The following MAST4 variants were observed in gnomAD, a reference collection of about 807,000 sequenced individuals.
MAST4 encodes the protein microtubule associated serine/threonine kinase family member 4.
MAST4 carries 89 observed loss-of-function variants against 162.7 expected under a neutral mutation model. That is an observed-to-expected ratio of 0.55 (90% confidence interval 0.46 to 0.65). The LOEUF (loss-of-function observed/expected upper bound fraction) is 0.65, where lower values mean the gene tolerates loss of function less well. Ranked by LOEUF, MAST4 falls within the 30% of genes least tolerant of loss-of-function variation. The pLI, the probability that MAST4 is intolerant of heterozygous loss-of-function variation, is 0.00. For synonymous variants in MAST4, 1,479 were observed against 1,361.1 expected, an observed-to-expected ratio of 1.09 and a Z score of -1.91; for missense variants, 3,153 against 3,374.0, an observed-to-expected ratio of 0.93 and a Z score of 1.62.
chr5:66,728,154 T>G (rs1245974590), intron 1 of MAST4, among the ~76,000 whole-genome samples: 2 of 152,224 alleles, frequency 1.3e-5, no homozygotes, highest in Admixed American at 1.3e-4. Flanking sequence ...ATTTTCTTCC[T>G]GTAACTAAAA....
intron 4 of MAST4, among the ~76,000 whole-genome samples, chr5:67,050,403 C>T (rs962308842): frequency 1.3e-5 from 2 of 152,172 alleles, no homozygotes; most frequent in African/African-American, 4.8e-5. Context: ...CATTCTTACA[C>T]GCAGTGTTCT....
At chr5:66,624,208 A>G (rs1012133690) in intron 1 of MAST4, among the ~76,000 whole-genome samples, 3 of 127,970 alleles carry the variant, frequency 2.3e-5, no homozygotes, top group Non-Finnish European at 3.1e-5. Context: ...CTGGAGTGCA[A>G]GTGGCATGAT....
intron 1 of MAST4, among the ~76,000 whole-genome samples, chr5:66,631,776 A>C (rs1293665329): frequency 6.6e-6 from 1 of 152,122 alleles, no homozygotes; most frequent in African/African-American, 2.4e-5. Context: ...TTGTGATGAG[A>C]TTTTATTGTA....
intron 3 of MAST4, among the ~76,000 whole-genome samples, chr5:66,862,314 C>T (rs1267703282): frequency 6.6e-6 from 1 of 152,136 alleles, no homozygotes; most frequent in Non-Finnish European, 1.5e-5. Flanking sequence ...TGTAATTTCA[C>T]TCATTAAAAA....
intron 3 of MAST4, among the ~76,000 whole-genome samples, chr5:66,798,367 T>G (rs1755755794): frequency 6.6e-6 from 1 of 152,180 alleles, no homozygotes; most frequent in Non-Finnish European, 1.5e-5. Context: ...ACAAATAATA[T>G]GTAGAGGCAT....
At position 66,919,633 on chromosome 5, in the gene MAST4, T is replaced by A. The variant is rs1008337572; in HGVS notation, c.674+19651T>A. On this transcript the variant is annotated intron_variant, in intron 4 of 28. Coordinates refer to ENST00000403625, the MANE Select transcript of MAST4 (RefSeq NM_001164664.2). ...CTGAGATCGTCACTGCACTCCAGCC[T>A]GGGCAACAGAGCAAGACTCCGTCAC... 3.1e-5 allele frequency among the ~76,000 whole-genome samples: 4 copies of A among 131,008 alleles called. No individual in the cohort carries two copies. The East Asian group carries it at 8.7e-4, about 29-fold the overall frequency. 85.9% of individuals were successfully genotyped at this position (131,008 alleles called of 152,430 possible).
At chr5:66,956,762 A>C (rs777201262) in intron 4 of MAST4, among the ~76,000 whole-genome samples, 11 of 152,192 alleles carry the variant, frequency 7.2e-5, no homozygotes, top group Non-Finnish European at 1.5e-4. Flanking sequence ...GCTTTTACTC[A>C]CAGGGAAGCT....
intron 3 of MAST4, among the ~76,000 whole-genome samples, chr5:66,809,628 AAGG>A (rs377630636): frequency 2.5e-4 from 38 of 152,354 alleles, no homozygotes; most frequent in African/African-American, 8.9e-4. Context: ...AGAATACAGA[AAGG>A]TATAAAATAA....
At chr5:67,079,601 C>T (rs901141084) in intron 5 of MAST4, among the ~76,000 whole-genome samples, 9 of 152,030 alleles carry the variant, frequency 5.9e-5, no homozygotes, top group Non-Finnish European at 7.4e-5. Context: ...TTGGCTTTAT[C>T]GTATGTCTAC....
At chr5:66,735,844 T>A (rs1460098859) in intron 1 of MAST4, among the ~76,000 whole-genome samples, 4 of 152,232 alleles carry the variant, frequency 2.6e-5, no homozygotes, top group Admixed American at 1.3e-4. Flanking sequence ...AGAAATGCTT[T>A]TGAAATGGAA....
At chr5:66,982,980 A>T (rs1470326253) in intron 4 of MAST4, among the ~76,000 whole-genome samples, 1 of 152,210 alleles carries the variant, frequency 6.6e-6, no homozygotes, top group African/African-American at 2.4e-5. Context: ...TGCCCCATTC[A>T]TCAGGAGAGT....
At chr5:66,982,172 T>C (rs974863525) in intron 4 of MAST4, among the ~76,000 whole-genome samples, 3 of 152,234 alleles carry the variant, frequency 2.0e-5, no homozygotes, top group African/African-American at 7.2e-5. Flanking sequence ...TATAATGGCC[T>C]TGCACATCTC....
chr5:67,016,546 G>A (rs1433656762), intron 4 of MAST4, among the ~76,000 whole-genome samples: 2 of 152,106 alleles, frequency 1.3e-5, no homozygotes, highest in Non-Finnish European at 2.9e-5. Context: ...ATAGAAGTAG[G>A]TTTTACTTTG....
At chr5:67,078,926 A>ATAATATATATATATG (rs1561622358) in intron 5 of MAST4, among the ~76,000 whole-genome samples, 1 of 87,752 alleles carries the variant, frequency 1.1e-5, no homozygotes, top group African/African-American at 5.5e-5. Flanking sequence ...ATATATATAT[A>ATAATATATATATATG]TATATATATA....
At chr5:66,909,794 A>G (rs1027527489) in intron 4 of MAST4, among the ~76,000 whole-genome samples, 4 of 152,190 alleles carry the variant, frequency 2.6e-5, no homozygotes, top group Admixed American at 2.0e-4. Context: ...CCAGGTGGAG[A>G]TAATTGAATG....
intron 4 of MAST4, among the ~76,000 whole-genome samples, chr5:67,009,235 C>T (rs1752394845): frequency 6.6e-6 from 1 of 152,150 alleles, no homozygotes; most frequent in African/African-American, 2.4e-5. Context: ...AATTTGGTCT[C>T]AGGGAACCAG....
chr5:66,818,951 G>T (rs1317053441), intron 3 of MAST4, among the ~76,000 whole-genome samples: 1 of 152,190 alleles, frequency 6.6e-6, no homozygotes, highest in Non-Finnish European at 1.5e-5. Flanking sequence ...AACTGATGAG[G>T]ATTAATGAGA....
intron 1 of MAST4, among the ~76,000 whole-genome samples, chr5:66,679,419 G>T (rs969916444): frequency 6.6e-6 from 1 of 152,216 alleles, no homozygotes; most frequent in South Asian, 2.1e-4. Flanking sequence ...GAGCACTGTT[G>T]TGGGAGCTGC....
chr5:66,964,727 C>T (rs935847233), intron 4 of MAST4, among the ~76,000 whole-genome samples: 1 of 152,186 alleles, frequency 6.6e-6, no homozygotes, highest in African/African-American at 2.4e-5. Context: ...GGCGTGAACT[C>T]GGGAGGCGGA....
Sources: allele counts gnomAD v4.1 joint callset (sites outside exome capture counted in the v4.1 genomes callset), GRCh38; gene constraint gnomAD v4.1.1; transcripts MANE v1.5; gene names NCBI Gene and HGNC (gene_info 2026-07-23, HGNC 2026-07-21).